The following TSTD2 variants were observed in gnomAD, a reference collection of about 807,000 sequenced individuals.
TSTD2 encodes thiosulfate sulfurtransferase like domain containing 2.
In TSTD2, 37 loss-of-function variants were observed where a neutral mutation model predicts 47.9. The ratio of observed to expected loss-of-function variants is 0.77; its 90% CI spans 0.59 to 1.02. TSTD2 has a LOEUF of 1.02. Among genes scored for constraint, TSTD2 ranks in the 50% least tolerant of loss-of-function variants. The pLI is 0.00. For synonymous variants in TSTD2, 201 were observed against 215.9 expected (o/e 0.93, Z 0.61); for missense variants, 586 against 616.0 (o/e 0.95, Z 0.52).
At chr9:97,632,791 A>G (rs1392221476) in intron 1 of TSTD2, among the ~76,000 whole-genome samples, 2 of 152,220 alleles carry the variant, frequency 1.3e-5, no homozygotes, top group African/African-American at 4.8e-5. Flanking sequence ...AAAAGAGGGA[A>G]AAGAGCTAAG....
intron 2 of TSTD2, 41 bp downstream of exon 2, chr9:97,627,357 A>C (rs1826739004): frequency 1.9e-6 from 3 of 1,540,612 alleles, no homozygotes; most frequent in Non-Finnish European, 1.8e-6. Context: ...ATCTGCGTTA[A>C]CCACACATAC....
intron 3 of TSTD2, among the ~76,000 whole-genome samples, chr9:97,618,239 A>C (rs922422347): frequency 6.6e-6 from 1 of 152,264 alleles, no homozygotes; most frequent in African/African-American, 2.4e-5. Flanking sequence ...CATCATACAA[A>C]AAAGTTTCAC....
intron 1 of TSTD2, among the ~76,000 whole-genome samples, chr9:97,628,402 G>A (rs1167043030): frequency 6.6e-6 from 1 of 152,110 alleles, no homozygotes; most frequent in African/African-American, 2.4e-5. Flanking sequence ...ACATGGGCAA[G>A]CTACTTAAGG....
At chr9:97,615,059 G>A (rs1391177577) in intron 4 of TSTD2, among the ~76,000 whole-genome samples, 1 of 152,184 alleles carries the variant, frequency 6.6e-6, no homozygotes, top group Non-Finnish European at 1.5e-5. Flanking sequence ...CTCTCTTGGG[G>A]TAGGCTAGTA....
chr9:97,600,321 A>G lies in TSTD2; in HGVS notation c.*2148T>C. 1.0e-6 allele frequency: 1 copy of G among 986,060 alleles called. No individual in the cohort carries two copies. The highest frequency in any genetic ancestry group is 1.7e-5 in the African/African-American group (1 of 57,352). 61.1% of individuals were successfully genotyped at this position (986,060 alleles called of 1,614,324 possible). ...TTGCTGGATATGCAGAAATGATAGG[A>G]AAAAAACCAATGGTGAAATTTCAAG... On this transcript the variant is annotated 3_prime_UTR_variant, in exon 10 of 10. Transcript: ENST00000341170.
Position 97,600,284 on chromosome 9 carries a change from A to G in TSTD2, c.*2185T>C, listed in dbSNP as rs1826225136. ...CCACTGAACTCTGCCAGGAGTCAAC[A>G]TGAGATTCCTTTTGCTGGATATGCA... is the stretch of plus-strand genomic sequence containing the variant. On this transcript the variant is annotated 3_prime_UTR_variant, in exon 10 of 10. Transcript: ENST00000341170. 2.0e-6 allele frequency: 2 copies of G among 986,174 alleles called. No homozygotes were observed. The highest frequency in any genetic ancestry group is 1.2e-6 in the Non-Finnish European group (1 of 830,246). The allele number at this position is 986,174 out of a possible 1,614,324, so 61.1% of individuals were successfully genotyped here. A position where few individuals can be genotyped will look rare whatever the true frequency, so the allele number is the denominator to read the frequency against.
At chr9:97,614,634 G>A (rs1826514137) in intron 4 of TSTD2, among the ~76,000 whole-genome samples, 1 of 152,176 alleles carries the variant, frequency 6.6e-6, no homozygotes, top group Non-Finnish European at 1.5e-5. Context: ...GATCTGAAGT[G>A]GGGTATGCGC....
At chr9:97,606,872 GA>G (rs1198658628) in intron 6 of TSTD2, among the ~76,000 whole-genome samples, 2 of 152,156 alleles carry the variant, frequency 1.3e-5, no homozygotes, top group Non-Finnish European at 2.9e-5. Context: ...AAAAGGGCAA[GA>G]GGGGTGGACA....
chr9:97,627,764 A>T (rs977908049), intron 1 of TSTD2, among the ~76,000 whole-genome samples, 152 bp from the exon 2 acceptor site: 1 of 152,230 alleles, frequency 6.6e-6, no homozygotes, highest in Non-Finnish European at 1.5e-5. Flanking sequence ...CTTAGGAACG[A>T]CTCGAAGTCA....
In TSTD2 at chr9:97,605,399, G is replaced by A. The variant is rs1325604109; in HGVS notation, c.1113+84C>T. On this transcript the variant is annotated intron_variant, in intron 8 of 9. Coordinates refer to ENST00000341170, the MANE Select transcript of TSTD2 (RefSeq NM_139246.5). ...GCTGCCTGGGGGTGGGGAGTACTGG[G>A]GGCAGCGGACAGCTCCACGTAAGCT... 3.2e-6 allele frequency: 5 copies of A among 1,550,690 alleles called. No individual in the cohort carries two copies. The African/African-American group carries it at 6.8e-5, about 21-fold the overall frequency.
rs774453736 is a variant in TSTD2, at chr9:97,600,141, C to CTGAT, written c.*2324_*2327dup. The CTGAT allele has an allele frequency of 8.5e-5, 85 of 1,002,930 alleles. No homozygotes were observed. The highest frequency in any genetic ancestry group is 1.1e-4 in the Admixed American group (2 of 18,936). 62.1% of individuals were successfully genotyped at this position (1,002,930 alleles called of 1,614,324 possible). A position where few individuals can be genotyped will look rare whatever the true frequency, so the allele number is the denominator to read the frequency against. On this transcript the variant is annotated 3_prime_UTR_variant, in exon 10 of 10. Coordinates refer to ENST00000341170, the MANE Select transcript of TSTD2 (RefSeq NM_139246.5). ...TTGTCTTAGCTATTAGCAAATAAAA[C>CTGAT]TGATTATCATTCTTTATTAACCCTC...
At position 97,600,770 on chromosome 9, in the gene TSTD2, G is replaced by A. The variant is rs182153610; in HGVS notation, c.*1699C>T. 168 of 1,011,088 alleles carry A rather than the reference G, an allele frequency of 1.7e-4. No individual in the cohort carries two copies. The highest frequency in any genetic ancestry group is 1.9e-4 in the Non-Finnish European group (161 of 845,186). The allele number at this position is 1,011,088 out of a possible 1,614,324, so 62.6% of individuals were successfully genotyped here. A position where few individuals can be genotyped will look rare whatever the true frequency, so the allele number is the denominator to read the frequency against. On this transcript the variant is annotated 3_prime_UTR_variant, in exon 10 of 10. Transcript: ENST00000341170. The stretch of plus-strand genomic sequence containing the variant: ...GGAAATCCTGGCCAAACCACCCCAA[G>A]ATGATTACACTGAAATGTAGTATTA...
In TSTD2 at chr9:97,605,501, T is replaced by G. The variant is rs766539019; in HGVS notation, c.1095A>C (p.Ser365=). The G allele has an allele frequency of 8.7e-6, 14 of 1,613,722 alleles. No individual in the cohort carries two copies. Among genetic ancestry groups the G allele is most frequent in the Admixed American group, 1.7e-5 (1 of 60,002 alleles). The change falls in exon 8 of 10, where the codon TCA becomes TCC. Residue 365 remains serine, a synonymous_variant. Coordinates refer to ENST00000341170, the MANE Select transcript of TSTD2 (RefSeq NM_139246.5). ...CTGGIRCERG[S]AYLKAKGVCK... is the part of the protein sequence containing the mutation. ...GGCTCACCTTGGCTTTGAGGTAGGC[T>G]GAACCCCGCTCACAGCGGATGCCCC...
Position 97,601,766 on chromosome 9 carries a change from G to A in TSTD2, c.*703C>T, listed in dbSNP as rs535851949. 228 of 185,578 alleles carry A rather than the reference G, an allele frequency of 1.2e-3. 2 individuals are homozygous for A. The highest frequency in any genetic ancestry group is 5.1e-3 in the African/African-American group (217 of 42,204). The allele number at this position is 185,578 out of a possible 1,614,324, so 11.5% of individuals were successfully genotyped here. A position where few individuals can be genotyped will look rare whatever the true frequency, so the allele number is the denominator to read the frequency against. On this transcript the variant is annotated 3_prime_UTR_variant, in exon 10 of 10. Coordinates refer to ENST00000341170, the MANE Select transcript of TSTD2 (RefSeq NM_139246.5). ...GAACAATATGGGTTTGAACTGCATGGCTGCACTTATATATGGATTTTTTTC... is the reference window on the plus strand; with the variant it reads ...GAACAATATGGGTTTGAACTGCATGACTGCACTTATATATGGATTTTTTTC...
At chr9:97,631,481 C>T (rs993215480) in intron 1 of TSTD2, among the ~76,000 whole-genome samples, 1 of 152,084 alleles carries the variant, frequency 6.6e-6, no homozygotes, top group Non-Finnish European at 1.5e-5. Flanking sequence ...TTACTACCAC[C>T]CTAGTTCAAG....
chr9:97,604,957 C>G, intron 8 of TSTD2, 92 bp from the exon 9 acceptor site: 1 of 1,534,834 alleles, frequency 6.5e-7, no homozygotes. Flanking sequence ...GGAGTGCTGA[C>G]GTAGAGGACT....
intron 4 of TSTD2, among the ~76,000 whole-genome samples, chr9:97,617,168 A>T (rs544493814): frequency 3.9e-5 from 6 of 152,242 alleles, no homozygotes; most frequent in Non-Finnish European, 8.8e-5. Context: ...TGCAGCTCTA[A>T]GGAGACAATA....
At chr9:97,604,265 A>C (rs1011066803) in intron 9 of TSTD2, 2 of 154,140 alleles carry the variant, frequency 1.3e-5, no homozygotes, top group African/African-American at 4.8e-5. Flanking sequence ...TCACAGGTAC[A>C]TTAATACAAC....
intron 4 of TSTD2, among the ~76,000 whole-genome samples, 183 bp from the exon 5 acceptor site, chr9:97,611,882 G>A (rs574341770): frequency 1.3e-5 from 2 of 152,298 alleles, no homozygotes; most frequent in South Asian, 4.2e-4. Flanking sequence ...AAACTTTTAA[G>A]TCCAGGGATA....
Sources: allele counts gnomAD v4.1 joint callset (sites outside exome capture counted in the v4.1 genomes callset), GRCh38; gene constraint gnomAD v4.1.1; transcripts MANE v1.5; gene names NCBI Gene and HGNC (gene_info 2026-07-23, HGNC 2026-07-21).